The following PITPNC1 variants were observed in gnomAD, a reference collection of about 807,000 sequenced individuals.
The protein encoded by PITPNC1 is phosphatidylinositol transfer protein cytoplasmic 1.
A neutral mutation model predicts 44.7 loss-of-function variants in PITPNC1; 18 were observed. That is an observed-to-expected ratio of 0.40 (90% CI 0.28 to 0.60). The LOEUF (loss-of-function observed/expected upper bound fraction) is 0.60. PITPNC1 is among the 20% of genes least tolerant of loss of function. The pLI is 0.39. For synonymous variants in PITPNC1, 141 were observed against 149.6 expected (o/e 0.94, Z 0.42); for missense variants, 290 against 418.4 (o/e 0.69, Z 2.68).
intron 1 of PITPNC1, among the ~76,000 whole-genome samples, chr17:67,437,481 T>A (rs935826679): frequency 1.3e-5 from 2 of 152,126 alleles, no homozygotes; most frequent in African/African-American, 4.8e-5. Flanking sequence ...GCTGATACCT[T>A]GATTTTGGGC....
chr17:67,415,713 AT>A (rs1314687337), intron 1 of PITPNC1, among the ~76,000 whole-genome samples: 3 of 151,844 alleles, frequency 2.0e-5, no homozygotes, highest in Admixed American at 6.6e-5. Context: ...AAAATGTTAC[AT>A]TTTTTTTGGA....
At position 67,494,488 on chromosome 17, in the gene PITPNC1, G is replaced by A. The variant is rs558471002; in HGVS notation, c.49-38314G>A. Among the ~76,000 whole-genome samples, 21 of 151,052 alleles carry A rather than the reference G, an allele frequency of 1.4e-4. No homozygotes were observed. In the South Asian group the frequency reaches 2.2e-3, roughly 16 times the overall value. ...GCTGGGATTACAGGCATGAGCCACC[G>A]TGCCCAGCCCTGTAACCTCTTTCAA... On this transcript the variant is annotated intron_variant, in intron 1 of 8. Transcript: ENST00000581322.
At chr17:67,474,601 T>G (rs563196872) in intron 1 of PITPNC1, among the ~76,000 whole-genome samples, 2 of 152,288 alleles carry the variant, frequency 1.3e-5, no homozygotes, top group South Asian at 4.1e-4. Flanking sequence ...CGCCCCATGC[T>G]GAGAACCACA....
intron 2 of PITPNC1, among the ~76,000 whole-genome samples, chr17:67,533,895 C>CT (rs1450771221): frequency 6.6e-6 from 1 of 151,766 alleles, no homozygotes; most frequent in Non-Finnish European, 1.5e-5. Context: ...TCTTTTCTTT[C>CT]TTTTTTTGTT....
chr17:67,389,732 T>A lies in PITPNC1; in HGVS notation c.48+11530T>A, dbSNP rs149707946. On this transcript the variant is annotated intron_variant, in intron 1 of 8. Coordinates refer to ENST00000581322, the MANE Select transcript of PITPNC1 (RefSeq NM_012417.4). ...TCTCACTCTGTTGCCCAGGCTAGAG[T>A]GCTATGGCGCAATCTCGGCTCACTG... 9.5e-4 allele frequency among the ~76,000 whole-genome samples: 144 copies of A among 152,198 alleles called. 1 individual carries two copies. The Middle Eastern group carries it at 0.01, about 11-fold the overall frequency.
chr17:67,569,808 CTG>C (rs2041027434), intron 4 of PITPNC1, among the ~76,000 whole-genome samples: 1 of 152,168 alleles, frequency 6.6e-6, no homozygotes. Context: ...AAAATAAACA[CTG>C]GATGTAATTA....
At chr17:67,403,648 C>G (rs1034794618) in intron 1 of PITPNC1, among the ~76,000 whole-genome samples, 1 of 152,180 alleles carries the variant, frequency 6.6e-6, no homozygotes. Context: ...ATCCTATTAT[C>G]TTCATTTAAC....
chr17:67,590,941 G>A lies in PITPNC1; in HGVS notation c.366+12684G>A, dbSNP rs564303030. Among the ~76,000 whole-genome samples the A allele has an allele frequency of 5.1e-4, 76 of 148,398 alleles. 1 individual carries two copies. The highest frequency in any genetic ancestry group is 1.6e-3 in the African/African-American group (65 of 40,224). The stretch of plus-strand genomic sequence containing the variant: ...GCACTCCAGCCTGGGCAACAAGAGC[G>A]AAACTCTGTCTCAAAAAAAAAAAAA... On this transcript the variant is annotated intron_variant, in intron 5 of 8. Coordinates refer to ENST00000581322, the MANE Select transcript of PITPNC1 (RefSeq NM_012417.4).
chr17:67,470,879 G>A (rs1258475299), intron 1 of PITPNC1, among the ~76,000 whole-genome samples: 25 of 136,120 alleles, frequency 1.8e-4, no homozygotes, highest in Non-Finnish European at 3.6e-4. Flanking sequence ...TCTGCCTTGG[G>A]ATCCTGTTGA....
chr17:67,623,178 T>G (rs2041855713), intron 5 of PITPNC1, among the ~76,000 whole-genome samples: 1 of 151,058 alleles, frequency 6.6e-6, no homozygotes, highest in Non-Finnish European at 1.5e-5. Flanking sequence ...TCTCTGTCTC[T>G]TTAATCGTAT....
At chr17:67,476,038 A>G (rs1167767527) in intron 1 of PITPNC1, among the ~76,000 whole-genome samples, 2 of 152,196 alleles carry the variant, frequency 1.3e-5, no homozygotes, top group African/African-American at 4.8e-5. Context: ...AGAAGCTATG[A>G]TAATATGATG....
chr17:67,495,042 T>TTTTTTC (rs2039928336), intron 1 of PITPNC1, among the ~76,000 whole-genome samples: 1 of 68,790 alleles, frequency 1.5e-5, no homozygotes, highest in Non-Finnish European at 2.6e-5. Flanking sequence ...ATGGAGTTGT[T>TTTTTTC]TTTTTTTTTG....
At chr17:67,599,034 A>ATATATATATATT (rs1461493250) in intron 5 of PITPNC1, among the ~76,000 whole-genome samples, 2 of 35,676 alleles carry the variant, frequency 5.6e-5, no homozygotes, top group East Asian at 9.2e-4. Flanking sequence ...ATATATATAT[A>ATATATATATATT]TTTTTTTTTT....
At chr17:67,615,825 A>G (rs1217285204) in intron 5 of PITPNC1, among the ~76,000 whole-genome samples, 4 of 152,182 alleles carry the variant, frequency 2.6e-5, no homozygotes, top group Non-Finnish European at 5.9e-5. Flanking sequence ...TATTGATCAT[A>G]CTTCGGGGAA....
intron 2 of PITPNC1, among the ~76,000 whole-genome samples, chr17:67,543,460 A>G (rs1259127355): frequency 6.6e-6 from 1 of 152,200 alleles, no homozygotes; most frequent in Non-Finnish European, 1.5e-5. Context: ...CAATTTCTCC[A>G]CATAATCACT....
At chr17:67,464,520 T>A (rs111710010) in intron 1 of PITPNC1, among the ~76,000 whole-genome samples, 2,918 of 152,090 alleles carry the variant, frequency 0.019, 79 homozygotes, top group African/African-American at 0.06. Context: ...TAAGAGGAAG[T>A]CACAAAAGGA....
chr17:67,394,889 C>T (rs187544749), intron 1 of PITPNC1, among the ~76,000 whole-genome samples: 79 of 151,002 alleles, frequency 5.2e-4, no homozygotes, highest in Admixed American at 2.7e-3. Flanking sequence ...AGTGAGACCC[C>T]GTCTCGAGGA....
intron 1 of PITPNC1, among the ~76,000 whole-genome samples, chr17:67,409,854 T>C (rs2038465868): frequency 1.3e-5 from 2 of 152,198 alleles, no homozygotes; most frequent in Non-Finnish European, 2.9e-5. Context: ...ATTCATTTCT[T>C]TATGGCTAAA....
chr17:67,656,044 T>A (rs1362273645), intron 6 of PITPNC1, among the ~76,000 whole-genome samples: 1 of 152,202 alleles, frequency 6.6e-6, no homozygotes, highest in Non-Finnish European at 1.5e-5. Flanking sequence ...GCTGATTACT[T>A]CTCAGCTTCA....
Sources: allele counts gnomAD v4.1 joint callset (sites outside exome capture counted in the v4.1 genomes callset), GRCh38; gene constraint gnomAD v4.1.1; transcripts MANE v1.5; gene names NCBI Gene and HGNC (gene_info 2026-07-23, HGNC 2026-07-21).